The following IGF2R variants were observed in gnomAD, a reference collection of about 807,000 sequenced individuals.
IGF2R encodes the protein insulin like growth factor 2 receptor.
In IGF2R, 91 loss-of-function variants were observed where a neutral mutation model predicts 270.6. The ratio of observed to expected loss-of-function variants is 0.34; its 90% CI spans 0.28 to 0.40. IGF2R has a LOEUF of 0.40. Among genes scored for constraint, IGF2R ranks in the 10% least tolerant of loss-of-function variants. The pLI, the probability that IGF2R is intolerant of heterozygous loss-of-function variation, is 1.00. For synonymous variants in IGF2R, 1,316 were observed against 1,258.9 expected (o/e 1.05, Z -0.96); for missense variants, 2,805 against 3,188.3 (o/e 0.88, Z 2.90).
intron 12 of IGF2R, among the ~76,000 whole-genome samples, chr6:160,043,528 C>G (rs1229853349): frequency 6.6e-6 from 1 of 152,236 alleles, no homozygotes; most frequent in Non-Finnish European, 1.5e-5. Context: ...CAGAAGGAAC[C>G]ACGTGGAAAA....
Position 160,071,966 on chromosome 6 carries a change from G to A in IGF2R, c.4500G>A (p.Trp1500Ter). 6.2e-7 allele frequency: 1 copy of A among 1,614,134 alleles called. No individual in the cohort carries two copies. The highest frequency in any genetic ancestry group is 8.5e-7 in the Non-Finnish European group (1 of 1,180,006). The change falls in exon 32 of 48, where the codon TGG becomes TGA. Residue 1500 changes from tryptophan (W) to a stop codon, truncating the protein, a stop_gained. Coordinates refer to ENST00000356956, the MANE Select transcript of IGF2R (RefSeq NM_000876.4). LOFTEE classifies it high-confidence loss of function. ...AGGACTGTGAGTACACCTTTGCCTGGCCCACAGCCACAGCCTGTCCCATGA... is the reference window on the plus strand; with the variant it reads ...AGGACTGTGAGTACACCTTTGCCTGACCCACAGCCACAGCCTGTCCCATGA... ...AVEDCEYTFA[W>*]PTATACPMKS...
chr6:160,072,008 T>C lies in IGF2R; in HGVS notation c.4542T>C (p.Asp1514=). 4.3e-6 allele frequency: 7 copies of C among 1,614,190 alleles called. No homozygotes were observed. Among genetic ancestry groups the C allele is most frequent in the Non-Finnish European group, 5.9e-6 (7 of 1,180,034 alleles). ...TACPMKSNEH[D]DCQVTNPSTG... is the part of the protein sequence containing the mutation. ...GTCCCATGAAGAGCAACGAGCATGA[T>C]GACTGCCAGGTCACCAACCCAAGCA... Residue 1514 remains aspartate, a synonymous_variant, in exon 32 of 48, where the codon GAT becomes GAC. Coordinates refer to ENST00000356956, the MANE Select transcript of IGF2R (RefSeq NM_000876.4).
At chr6:160,073,026 G>A in intron 33 of IGF2R, 142 bp downstream of exon 33, 1 of 1,373,588 alleles carries the variant, frequency 7.3e-7, no homozygotes, top group Non-Finnish European at 1.0e-6. Context: ...GTCACCCCAT[G>A]TGGGGGACAC....
At chr6:160,075,041 A>T (rs1778825595) in intron 35 of IGF2R, among the ~76,000 whole-genome samples, 1 of 152,210 alleles carries the variant, frequency 6.6e-6, no homozygotes, top group Non-Finnish European at 1.5e-5. Context: ...AACGTGCCCC[A>T]CAGTGGTGAA....
intron 4 of IGF2R, among the ~76,000 whole-genome samples, chr6:160,017,228 G>A (rs1003653553): frequency 6.6e-6 from 1 of 152,174 alleles, no homozygotes; most frequent in African/African-American, 2.4e-5. Flanking sequence ...ATAAAATTGA[G>A]TTGAAAGTTT....
At position 160,084,738 on chromosome 6, in the gene IGF2R, C is replaced by T. The variant is rs556065509; in HGVS notation, c.6069-257C>T. 4.6e-5 allele frequency among the ~76,000 whole-genome samples: 7 copies of T among 152,292 alleles called. No individual in the cohort carries two copies. Among genetic ancestry groups the T allele is most frequent in the Admixed American group, 3.3e-4 (5 of 15,308 alleles). ...CGGAGCCCTTCTTTCTACTGTACCA[C>T]GCTGTGTCCAGGGTGGCCGCAGGTG... On this transcript the variant is annotated intron_variant, in intron 40 of 47. Transcript: ENST00000356956. The surrounding 1 kb of genome is among the most constrained non-coding windows in gnomAD (Gnocchi z 4.6).
At chr6:160,012,201 A>G (rs964334874) in intron 4 of IGF2R, among the ~76,000 whole-genome samples, 2 of 152,164 alleles carry the variant, frequency 1.3e-5, no homozygotes, top group African/African-American at 4.8e-5. Context: ...GACAGTGTCA[A>G]ATGTAAGCTT....
rs1215752101 is a variant in IGF2R at position 160,056,434 on chromosome 6, C to G, written c.2705C>G (p.Pro902Arg). 6.2e-7 allele frequency: 1 copy of G among 1,613,012 alleles called. No homozygotes were observed. The highest frequency in any genetic ancestry group is 8.5e-7 in the Non-Finnish European group (1 of 1,179,072). ...VCSRGRLNSHPIFSLNWECVV... is the reference protein window; with the variant it reads ...VCSRGRLNSHRIFSLNWECVV... ...GATTTGCCCATTCAGAACAGCCACC[C>G]CATCTTTTCTCTCAACTGGGAGTGT... Residue 902 changes from proline (P) to arginine (R), a missense_variant, in exon 20 of 48, where the codon CCC (proline) becomes CGC (arginine). Physicochemically the swap from Pro to Arg is moderately radical, Grantham distance 103. This residue lies in a region of IGF2R where 1,851 missense variants were observed against 2,207.2 expected (regional missense o/e 0.84). Transcript: ENST00000356956.
At chr6:159,982,847 G>C (rs1266323862) in intron 1 of IGF2R, among the ~76,000 whole-genome samples, 5 of 152,188 alleles carry the variant, frequency 3.3e-5, no homozygotes, top group South Asian at 2.1e-4. Flanking sequence ...TTTTCTTTAA[G>C]AGATTGAGCA....
chr6:160,093,490 C>T, intron 44 of IGF2R: 1 of 538,664 alleles, frequency 1.9e-6, no homozygotes, highest in Non-Finnish European at 3.5e-6. Flanking sequence ...ACTGGCTTTT[C>T]CCACAGTCAA....
At chr6:160,070,629 T>C (rs1778698151) in intron 31 of IGF2R, among the ~76,000 whole-genome samples, 2 of 152,224 alleles carry the variant, frequency 1.3e-5, no homozygotes, top group Admixed American at 1.3e-4. Flanking sequence ...TTGTTTGGCA[T>C]GCACGTAAGC....
intron 19 of IGF2R, among the ~76,000 whole-genome samples, chr6:160,055,702 G>T (rs1471284104): frequency 6.6e-6 from 1 of 152,124 alleles, no homozygotes; most frequent in Non-Finnish European, 1.5e-5. Context: ...TTGTGCCTCA[G>T]TTTTCTCATT....
intron 2 of IGF2R, 60 bp from the exon 3 acceptor site, chr6:160,008,950 A>G: frequency 6.4e-7 from 1 of 1,552,212 alleles, no homozygotes. Flanking sequence ...TTTTCCTTGG[A>G]AATAGCTGTT....
At chr6:160,070,092 A>C (rs1202062628) in intron 31 of IGF2R, 34 bp downstream of exon 31, 1 of 1,604,872 alleles carries the variant, frequency 6.2e-7, no homozygotes, top group Admixed American at 1.7e-5. Flanking sequence ...CTGCTGTTGC[A>C]GCTTTGGGAA....
chr6:160,093,821 C>CT (rs1358912198), intron 44 of IGF2R: 1 of 732,864 alleles, frequency 1.4e-6, no homozygotes, highest in East Asian at 2.6e-5. Context: ...GTTAAGGGTG[C>CT]TGTGCATGAT....
chr6:160,047,372 A>T lies in IGF2R; in HGVS notation c.2229+36A>T, dbSNP rs767987992. The stretch of plus-strand genomic sequence containing the variant: ...TTGTTCCTCATCGCGCTCCCTGAGG[A>T]TACTCATGCCTGTGGTGGGCCTTTC... On this transcript the variant is annotated intron_variant, in intron 16 of 47. Coordinates refer to ENST00000356956, the MANE Select transcript of IGF2R (RefSeq NM_000876.4). The T allele has an allele frequency of 4.0e-6, 6 of 1,515,526 alleles. No homozygotes were observed. The Admixed American group carries it at 1.2e-4, about 30-fold the overall frequency. The allele number at this position is 1,515,526 out of a possible 1,614,324, so 93.9% of individuals were successfully genotyped here.
chr6:159,991,525 T>G (rs1157384487), intron 2 of IGF2R, among the ~76,000 whole-genome samples: 1 of 152,232 alleles, frequency 6.6e-6, no homozygotes, highest in Non-Finnish European at 1.5e-5. Flanking sequence ...AAAACTAGGT[T>G]GGTTCTGTCT....
At chr6:160,098,229 G>C (rs1779408883) in intron 45 of IGF2R, among the ~76,000 whole-genome samples, 1 of 152,134 alleles carries the variant, frequency 6.6e-6, no homozygotes, top group Non-Finnish European at 1.5e-5. Context: ...CGACTTCTGT[G>C]AGTAGGAAAA....
Position 160,069,908 on chromosome 6 carries a change from C to G in IGF2R, c.4293C>G (p.Gly1431=). ...AAGCAGCCGCGTGTCTGCTGGGTGG[C>G]TCCAAGCCCGTGAACCTCGGCAGGG... ...PPEAAACLLG[G]SKPVNLGRVR... is the part of the protein sequence containing the mutation. The change falls in exon 31 of 48, where the codon GGC becomes GGG. Residue 1431 remains glycine, a synonymous_variant. Transcript: ENST00000356956. The G allele has an allele frequency of 6.2e-7, 1 of 1,614,212 alleles. No individual in the cohort carries two copies. Among genetic ancestry groups the G allele is most frequent in the Non-Finnish European group, 8.5e-7 (1 of 1,180,040 alleles).
Sources: gnomAD v4.1 joint callset for allele counts (sites outside exome capture counted in the v4.1 genomes callset) on GRCh38, gnomAD v4.1.1 for gene constraint, gnomAD v4.1.1 regional missense constraint, Gnocchi (gnomAD v3.1) non-coding constraint, MANE v1.5 for transcripts, NCBI Gene and HGNC (gene_info 2026-07-23, HGNC 2026-07-21) for gene names.